Variants in OSBPL1A observed in about 807,000 individuals in gnomAD.
OSBPL1A encodes oxysterol-binding protein-related protein 1.
A neutral mutation model predicts 137.1 loss-of-function variants in OSBPL1A; 80 were observed. The ratio of observed to expected loss-of-function variants is 0.58; its 90% CI spans 0.49 to 0.70. OSBPL1A has a LOEUF of 0.70. OSBPL1A is among the 30% of genes least tolerant of loss of function. OSBPL1A has a pLI of 0.00. For synonymous variants in OSBPL1A, 365 were observed against 389.7 expected, an observed-to-expected ratio of 0.94 and a Z score of 0.75; for missense variants, 970 against 1,129.4, an observed-to-expected ratio of 0.86 and a Z score of 2.02.
At chr18:24,317,974 A>C (rs1320749960) in intron 9 of OSBPL1A, among the ~76,000 whole-genome samples, 1 of 152,186 alleles carries the variant, frequency 6.6e-6, no homozygotes, top group African/African-American at 2.4e-5. Context: ...CATAACAAAA[A>C]TAATACTGTA....
intron 17 of OSBPL1A, among the ~76,000 whole-genome samples, chr18:24,207,883 C>T (rs1187098129): frequency 6.6e-6 from 1 of 152,132 alleles, no homozygotes; most frequent in Non-Finnish European, 1.5e-5. Flanking sequence ...GTAGCTGGCA[C>T]TACAAGCGTG....
intron 18 of OSBPL1A, among the ~76,000 whole-genome samples, chr18:24,189,874 G>T (rs1414951763): frequency 6.6e-6 from 1 of 152,174 alleles, no homozygotes; most frequent in Non-Finnish European, 1.5e-5. Flanking sequence ...GGACAACAGG[G>T]GCCAGAGTGA....
chr18:24,280,956 G>A lies in OSBPL1A; in HGVS notation c.1175-8C>T, dbSNP rs1421830596. 1.3e-6 allele frequency: 2 copies of A among 1,564,864 alleles called. No individual in the cohort carries two copies. Among genetic ancestry groups the A allele is most frequent in the Non-Finnish European group, 1.7e-6 (2 of 1,154,514 alleles). On this transcript the variant is annotated splice_polypyrimidine_tract_variant and splice_region_variant and intron_variant, in intron 14 of 27. Transcript: ENST00000319481. The stretch of plus-strand genomic sequence containing the variant: ...GAAATGATGGAAGCATTTCTATAAA[G>A]AAAAAAATAAATACAGTGAGTCGGA...
intron 18 of OSBPL1A, among the ~76,000 whole-genome samples, chr18:24,195,144 CA>C (rs928442527): frequency 6.6e-6 from 1 of 151,664 alleles, no homozygotes; most frequent in African/African-American, 2.4e-5. Flanking sequence ...ACTAAAAATA[CA>C]AAAAAATTAG....
chr18:24,163,200 G>A lies in OSBPL1A; in HGVS notation c.2832C>T (p.Phe944=), dbSNP rs2086059533. 1.2e-6 allele frequency: 2 copies of A among 1,611,018 alleles called. No individual in the cohort carries two copies. The highest frequency in any genetic ancestry group is 2.7e-5 in the African/African-American group (2 of 74,784). The part of the protein sequence containing the change: ...YSGSYWDRNY[F]NLPDIY ...CATTTTAATAAATGTCAGGCAAATT[G>A]AAGTAATTTCTGTCCCAGTAGCTGC... The change falls in exon 28 of 28, where the codon TTC becomes TTT. Residue 944 remains phenylalanine, a synonymous_variant. Transcript: ENST00000319481.
At chr18:24,209,617 T>C (rs367880091) in intron 17 of OSBPL1A, among the ~76,000 whole-genome samples, 19 of 152,024 alleles carry the variant, frequency 1.2e-4, no homozygotes, top group African/African-American at 3.9e-4. Context: ...AACTCCAAAC[T>C]GGAAAAAAAA....
At chr18:24,290,238 C>T (rs541471999) in intron 14 of OSBPL1A, among the ~76,000 whole-genome samples, 1 of 152,224 alleles carries the variant, frequency 6.6e-6, no homozygotes, top group Admixed American at 6.5e-5. Flanking sequence ...TAATGTAGTG[C>T]AGAGTTTGAA....
chr18:24,371,189 A>G (rs1463805870), intron 2 of OSBPL1A, among the ~76,000 whole-genome samples: 1 of 152,208 alleles, frequency 6.6e-6, no homozygotes. Context: ...ACGGTGAAGA[A>G]AAACAACAGA....
Position 24,271,855 on chromosome 18 carries a change from A to T in OSBPL1A, c.1281+8987T>A. On this transcript the variant is annotated intron_variant, in intron 15 of 27. Transcript: ENST00000319481. The surrounding 1 kb of genome is among the most constrained non-coding windows in gnomAD (Gnocchi z 4.0). ...AGCCTTCCCCAGCGAGGTCGGGCAG[A>T]GGCGTTGCCCGCCAGCGGCCCAGGA... 1.0e-6 allele frequency: 1 copy of T among 985,198 alleles called. No homozygotes were observed. Among genetic ancestry groups the T allele is most frequent in the Non-Finnish European group, 1.2e-6 (1 of 829,918 alleles). The allele number at this position is 985,198 out of a possible 1,614,324, so 61.0% of individuals were successfully genotyped here. A position where few individuals can be genotyped will look rare whatever the true frequency, so the allele number is the denominator to read the frequency against.
At chr18:24,238,057 C>T (rs1400885709) in intron 16 of OSBPL1A, among the ~76,000 whole-genome samples, 1 of 152,186 alleles carries the variant, frequency 6.6e-6, no homozygotes, top group Non-Finnish European at 1.5e-5. Context: ...CAATCAATCA[C>T]TTCCCCGTCA....
At chr18:24,276,602 C>A (rs180751913) in intron 15 of OSBPL1A, among the ~76,000 whole-genome samples, 12 of 152,182 alleles carry the variant, frequency 7.9e-5, no homozygotes, top group East Asian at 3.9e-4. Context: ...TGCCACCACA[C>A]CTGGCTAATT....
At chr18:24,175,246 C>T (rs1485430979) in intron 21 of OSBPL1A, among the ~76,000 whole-genome samples, 2 of 146,856 alleles carry the variant, frequency 1.4e-5, no homozygotes, top group African/African-American at 2.5e-5. Context: ...AATACAATGG[C>T]GCAATCATGG....
intron 16 of OSBPL1A, among the ~76,000 whole-genome samples, chr18:24,232,349 C>T (rs1186299942): frequency 6.6e-6 from 1 of 152,172 alleles, no homozygotes; most frequent in Admixed American, 6.5e-5. Flanking sequence ...CAGCAAGCAA[C>T]AAGAGTCGGA....
At chr18:24,215,808 T>C (rs1354204237) in intron 17 of OSBPL1A, among the ~76,000 whole-genome samples, 1 of 152,200 alleles carries the variant, frequency 6.6e-6, no homozygotes, top group Non-Finnish European at 1.5e-5. Flanking sequence ...AAAAGGCTGT[T>C]ACTGTGAAAG....
chr18:24,241,578 A>G (rs1376451028), intron 15 of OSBPL1A, among the ~76,000 whole-genome samples: 1 of 152,248 alleles, frequency 6.6e-6, no homozygotes, highest in Non-Finnish European at 1.5e-5. Flanking sequence ...ACAATGAGAT[A>G]CCATCTTACG....
intron 27 of OSBPL1A, among the ~76,000 whole-genome samples, chr18:24,164,420 G>GT (rs35343209): frequency 0.11 from 10,752 of 95,970 alleles, 1,938 homozygotes; most frequent in East Asian, 0.31. Flanking sequence ...GAGATTTTTG[G>GT]TTTTTTTTTT....
At chr18:24,270,788 T>G (rs1341298172) in intron 15 of OSBPL1A, among the ~76,000 whole-genome samples, 1 of 152,048 alleles carries the variant, frequency 6.6e-6, no homozygotes. Flanking sequence ...CAACACACAT[T>G]TCAAGCATTT....
chr18:24,385,564 G>A (rs1906909037), intron 1 of OSBPL1A, among the ~76,000 whole-genome samples: 1 of 152,126 alleles, frequency 6.6e-6, no homozygotes, highest in Admixed American at 6.5e-5. Flanking sequence ...GTGGAGAGGG[G>A]ACACAGAAGA....
At chr18:24,289,288 T>A (rs2090130565) in intron 14 of OSBPL1A, among the ~76,000 whole-genome samples, 1 of 152,196 alleles carries the variant, frequency 6.6e-6, no homozygotes, top group South Asian at 2.1e-4. Context: ...CTCAACAAAT[T>A]CTACCTTACA....
Sources: gnomAD v4.1 joint callset for allele counts (sites outside exome capture counted in the v4.1 genomes callset) on GRCh38, gnomAD v4.1.1 for gene constraint, Gnocchi (gnomAD v3.1) non-coding constraint, MANE v1.5 for transcripts, NCBI Gene and HGNC (gene_info 2026-07-23, HGNC 2026-07-21) for gene names.